Variants in CHL1 observed in about 807,000 individuals in gnomAD.
The protein encoded by CHL1 is cell adhesion molecule L1 like.
In CHL1, 96 loss-of-function variants were observed where a neutral mutation model predicts 141.9. That is an observed-to-expected ratio of 0.68 (90% CI 0.57 to 0.80). The LOEUF is 0.80. Ranked by LOEUF, CHL1 falls within the 30% of genes least tolerant of loss-of-function variation. The pLI is 0.00. For missense variants in CHL1, 1,820 were observed against 1,457.2 expected (o/e 1.25, Z -4.05); for synonymous variants, 613 against 502.2 (o/e 1.22, Z -2.95).
intron 9 of CHL1, among the ~76,000 whole-genome samples, chr3:347,804 C>G (rs561730380): frequency 1.3e-5 from 2 of 152,168 alleles, no homozygotes; most frequent in Non-Finnish European, 2.9e-5. Flanking sequence ...GCTGTCTGCC[C>G]AGGCATCATT....
chr3:376,004 A>G (rs1706270657), intron 15 of CHL1, among the ~76,000 whole-genome samples: 1 of 152,184 alleles, frequency 6.6e-6, no homozygotes, highest in Non-Finnish European at 1.5e-5. Context: ...GTTTTAGTGG[A>G]TAGATTTCTC....
chr3:308,335 C>G (rs1388744447), intron 2 of CHL1, among the ~76,000 whole-genome samples: 1 of 152,102 alleles, frequency 6.6e-6, no homozygotes, highest in South Asian at 2.1e-4. Flanking sequence ...GCAACTGCCT[C>G]ATAAAATGTA....
chr3:262,957 C>A (rs900403105), intron 2 of CHL1, among the ~76,000 whole-genome samples: 3 of 152,200 alleles, frequency 2.0e-5, no homozygotes, highest in Non-Finnish European at 4.4e-5. Context: ...AGGTATTAAT[C>A]CTTAATGACA....
rs1410311860 is a variant in CHL1 at position 314,327 on chromosome 3, G to GTA, written c.-94-5355_-94-5354insAT. ...TCTCTCTTTCTCTCTCTCTCTCTAT[G>GTA]TGTATATATATATATATATATATAT... On this transcript the variant is annotated intron_variant, in intron 2 of 27. Coordinates refer to ENST00000256509, the MANE Select transcript of CHL1 (RefSeq NM_006614.4). Among the ~76,000 whole-genome samples the GTA allele has an allele frequency of 3.9e-3, 220 of 56,992 alleles. 8 individuals are homozygous for GTA. The highest frequency in any genetic ancestry group is 0.011 in the African/African-American group (205 of 19,036). 37.4% of individuals were successfully genotyped at this position (56,992 alleles called of 152,430 possible).
At position 344,675 on chromosome 3, in the gene CHL1, GA is replaced by G; in HGVS notation, c.817del (p.Ile273SerfsTer39). On this transcript the variant is annotated frameshift_variant, in exon 9 of 28. Coordinates refer to ENST00000256509, the MANE Select transcript of CHL1 (RefSeq NM_006614.4). LOFTEE classifies it high-confidence loss of function. Reference sequence around the variant, plus strand: ...GTCTTCAATTACCATCCTCAAAGGGGAAATCTTGCTGCTTGAGTGTTTTGCT... The same window carrying G: ...GTCTTCAATTACCATCCTCAAAGGGGAATCTTGCTGCTTGAGTGTTTTGCT... ...SESSITILKG[E>X]ILLLECFAEG... 6.2e-7 allele frequency: 1 copy of G among 1,613,770 alleles called. No individual in the cohort carries two copies. Among genetic ancestry groups the G allele is most frequent in the Non-Finnish European group, 8.5e-7 (1 of 1,179,832 alleles).
Position 399,033 on chromosome 3 carries a change from T to C in CHL1, c.3270T>C (p.Tyr1090=), listed in dbSNP as rs2106416412. 6.2e-7 allele frequency: 1 copy of C among 1,613,416 alleles called. No homozygotes were observed. Among genetic ancestry groups the C allele is most frequent in the East Asian group, 2.2e-5 (1 of 44,862 alleles). The part of the protein sequence containing the change: ...ETRGREYAGL[Y]DDISTQGWFI... ...CTACCACAGAATATGCTGGTTTATATGATGACATCTCCACTCAAGGCTGGT... is the reference window on the plus strand; with the variant it reads ...CTACCACAGAATATGCTGGTTTATACGATGACATCTCCACTCAAGGCTGGT... Residue 1090 remains tyrosine, a synonymous_variant, in exon 26 of 28, where the codon TAT becomes TAC. Coordinates refer to ENST00000256509, the MANE Select transcript of CHL1 (RefSeq NM_006614.4).
chr3:289,143 C>G (rs1273519042), intron 2 of CHL1, among the ~76,000 whole-genome samples: 1 of 152,156 alleles, frequency 6.6e-6, no homozygotes, highest in South Asian at 2.1e-4. Flanking sequence ...CTTAGTTTTA[C>G]TCCTTTAATG....
At chr3:237,099 C>A (rs1162963267) in intron 1 of CHL1, among the ~76,000 whole-genome samples, 1 of 152,182 alleles carries the variant, frequency 6.6e-6, no homozygotes, top group Non-Finnish European at 1.5e-5. Flanking sequence ...TGGTTTGGCT[C>A]TGTGTTCTCA....
At chr3:274,347 G>C (rs1166296462) in intron 2 of CHL1, among the ~76,000 whole-genome samples, 1 of 152,112 alleles carries the variant, frequency 6.6e-6, no homozygotes, top group Non-Finnish European at 1.5e-5. Context: ...CACATTCCAG[G>C]TAATATTCAG....
chr3:317,512 C>A (rs747211010), intron 2 of CHL1, among the ~76,000 whole-genome samples: 2 of 151,684 alleles, frequency 1.3e-5, no homozygotes, highest in African/African-American at 2.4e-5. Flanking sequence ...AAAGGCAACT[C>A]ATAAAACACA....
intron 15 of CHL1, among the ~76,000 whole-genome samples, chr3:371,677 G>A (rs1248368154): frequency 1.3e-5 from 2 of 152,158 alleles, no homozygotes; most frequent in African/African-American, 2.4e-5. Context: ...TTGCTCATTA[G>A]TTGGTGAAGT....
intron 2 of CHL1, among the ~76,000 whole-genome samples, chr3:293,733 C>G (rs1277559631): frequency 6.6e-6 from 1 of 151,900 alleles, no homozygotes. Flanking sequence ...AACCTGAAGA[C>G]ATATTGGATA....
intron 12 of CHL1, 120 bp from the exon 13 acceptor site, chr3:361,579 G>A: frequency 3.1e-6 from 2 of 643,880 alleles, no homozygotes; most frequent in Non-Finnish European, 5.6e-6. Flanking sequence ...ATTCAAAACA[G>A]ACACCATAAT....
intron 27 of CHL1, among the ~76,000 whole-genome samples, chr3:403,425 C>A (rs1055161304): frequency 6.6e-6 from 1 of 151,998 alleles, no homozygotes; most frequent in African/African-American, 2.4e-5. Flanking sequence ...TCATTAAGGA[C>A]CTGCAACAAC....
At chr3:261,097 C>CAGA (rs1694676672) in intron 2 of CHL1, among the ~76,000 whole-genome samples, 1 of 152,260 alleles carries the variant, frequency 6.6e-6, no homozygotes, top group Non-Finnish European at 1.5e-5. Context: ...CTCAGCTAGT[C>CAGA]AGAAGGGCAC....
chr3:300,928 G>C (rs760890082), intron 2 of CHL1, among the ~76,000 whole-genome samples: 10 of 152,154 alleles, frequency 6.6e-5, no homozygotes, highest in Non-Finnish European at 7.3e-5. Context: ...TATAACAAGA[G>C]ATTGGAGTGT....
intron 2 of CHL1, among the ~76,000 whole-genome samples, chr3:314,329 G>GTGTATATATATATATA (rs1455318071): frequency 4.6e-5 from 3 of 65,330 alleles, no homozygotes; most frequent in Admixed American, 1.9e-4. Context: ...CTCTCTATGT[G>GTGTATATATATATATA]TATATATATA....
At chr3:365,928 T>C (rs754144967) in intron 14 of CHL1, 22 bp from the exon 15 acceptor site, 4 of 1,602,234 alleles carry the variant, frequency 2.5e-6, no homozygotes, top group Admixed American at 1.7e-5. Flanking sequence ...TTCTAACTAA[T>C]ATCTTTGTTT....
At chr3:337,348 G>T (rs573076105) in intron 5 of CHL1, among the ~76,000 whole-genome samples, 1 of 130,002 alleles carries the variant, frequency 7.7e-6, no homozygotes, top group South Asian at 2.8e-4. Context: ...CCGCCACCAC[G>T]CCCGGCTAAT....
Sources: allele counts gnomAD v4.1 joint callset (sites outside exome capture counted in the v4.1 genomes callset), GRCh38; gene constraint gnomAD v4.1.1; transcripts MANE v1.5; gene names NCBI Gene and HGNC (gene_info 2026-07-23, HGNC 2026-07-21).